The following PID1 variants were observed in gnomAD, a reference collection of about 807,000 sequenced individuals.
PID1 encodes PTB-containing, cubilin and LRP1-interacting protein.
PID1 carries 10 observed loss-of-function variants against 19.1 expected under a neutral mutation model. That is an observed-to-expected ratio of 0.52 (90% CI 0.32 to 0.89). The LOEUF is 0.89. Among genes scored for constraint, PID1 ranks in the 40% least tolerant of loss-of-function variants. The pLI, the probability that PID1 is intolerant of heterozygous loss-of-function variation, is 0.03. For synonymous variants in PID1, 130 were observed against 116.0 expected (o/e 1.12, Z -0.78); for missense variants, 248 against 285.3 (o/e 0.87, Z 0.94).
intron 1 of PID1, among the ~76,000 whole-genome samples, chr2:229,201,657 G>A (rs185535048): frequency 9.2e-5 from 14 of 152,108 alleles, no homozygotes; most frequent in African/African-American, 3.1e-4. Flanking sequence ...TGAAATTGCC[G>A]GATCATATGG....
At chr2:229,053,838 C>A (rs577192093) in intron 2 of PID1, among the ~76,000 whole-genome samples, 1 of 152,140 alleles carries the variant, frequency 6.6e-6, no homozygotes. Context: ...AGGGAGAGCC[C>A]AATCAGTCAA....
chr2:229,189,314 G>A (rs765422906), intron 1 of PID1, among the ~76,000 whole-genome samples: 3 of 152,156 alleles, frequency 2.0e-5, no homozygotes, highest in Non-Finnish European at 4.4e-5. Context: ...ACAGCCCCAG[G>A]TCCATTAGAT....
chr2:229,168,943 T>C (rs1262407482), intron 1 of PID1, among the ~76,000 whole-genome samples: 2 of 152,192 alleles, frequency 1.3e-5, no homozygotes, highest in African/African-American at 2.4e-5. Flanking sequence ...AGGTGGAGTC[T>C]GGTTTGCTTA....
At chr2:229,269,834 G>T (rs1690688389) in intron 1 of PID1, among the ~76,000 whole-genome samples, 1 of 152,146 alleles carries the variant, frequency 6.6e-6, no homozygotes, top group South Asian at 2.1e-4. Context: ...AACTGGTCTG[G>T]TGTCTCAGGC....
rs577423792 is a variant in PID1, at chr2:229,087,372, T to G, written c.178-61264A>C. 1.8e-3 allele frequency among the ~76,000 whole-genome samples: 276 copies of G among 152,224 alleles called. 3 individuals carry two copies. Among genetic ancestry groups the G allele is most frequent in the African/African-American group, 6.3e-3 (261 of 41,566 alleles). On this transcript the variant is annotated intron_variant, in intron 2 of 2. Coordinates refer to ENST00000392055, the MANE Select transcript of PID1 (RefSeq NM_001100818.2). ...TTGTGGGATTCCAGTGACATGTAGT[T>G]CAAAAACAGGCAACACCAATCTATG... is the stretch of plus-strand genomic sequence containing the variant.
chr2:229,268,273 G>A (rs1251419853), intron 1 of PID1, among the ~76,000 whole-genome samples: 1 of 152,110 alleles, frequency 6.6e-6, no homozygotes, highest in Non-Finnish European at 1.5e-5. Flanking sequence ...CAGAAGTGTG[G>A]GTAACAATAA....
At chr2:229,117,914 A>T (rs922889099) in intron 2 of PID1, among the ~76,000 whole-genome samples, 1 of 152,112 alleles carries the variant, frequency 6.6e-6, no homozygotes, top group Non-Finnish European at 1.5e-5. Context: ...GTAGGAGCTC[A>T]TGGTACCCTG....
chr2:229,262,888 T>C (rs1407583481), intron 1 of PID1: 1 of 1,520,174 alleles, frequency 6.6e-7, no homozygotes, highest in African/African-American at 1.4e-5. Context: ...TGTCTGCAAA[T>C]CTCTCCTTAT....
intron 1 of PID1, among the ~76,000 whole-genome samples, chr2:229,228,948 G>A (rs1300597334): frequency 6.6e-6 from 1 of 152,138 alleles, no homozygotes; most frequent in Non-Finnish European, 1.5e-5. Flanking sequence ...ACCTGACCTG[G>A]TGTGAGAAAT....
chr2:229,178,628 C>A lies in PID1; in HGVS notation c.31-22664G>T, dbSNP rs149237030. On this transcript the variant is annotated intron_variant, in intron 1 of 2. Transcript: ENST00000392055. ...AATAAGCCACAATAAAAAAAAAGTCCATTTCTTCTGAATGTTTACTAATTA... is the reference window on the plus strand; with the variant it reads ...AATAAGCCACAATAAAAAAAAAGTCAATTTCTTCTGAATGTTTACTAATTA... Among the ~76,000 whole-genome samples the A allele has an allele frequency of 2.2e-4, 34 of 151,984 alleles. No homozygotes were observed. In the East Asian group the frequency reaches 5.4e-3, roughly 24 times the overall value.
At position 229,210,727 on chromosome 2, in the gene PID1, C is replaced by T. The variant is rs555355024; in HGVS notation, c.31-54763G>A. Among the ~76,000 whole-genome samples the T allele has an allele frequency of 3.3e-5, 5 of 152,056 alleles. No individual in the cohort carries two copies. In the South Asian group the frequency reaches 6.2e-4, roughly 19 times the overall value. On this transcript the variant is annotated intron_variant, in intron 1 of 2. Coordinates refer to ENST00000392055, the MANE Select transcript of PID1 (RefSeq NM_001100818.2). ...GTGAATGTGATGTGCCAATATGGTG[C>T]TAGAAGCCAGCAGTGAACTTTGGCA...
intron 1 of PID1, among the ~76,000 whole-genome samples, chr2:229,233,508 T>C (rs1164508589): frequency 9.6e-6 from 1 of 104,226 alleles, no homozygotes; most frequent in Non-Finnish European, 2.0e-5. Flanking sequence ...TTTTTTTTTT[T>C]TGAAATGGAG....
rs149214177 is a variant in PID1 at position 229,054,703 on chromosome 2, A to AGTGTGTGTGT, written c.178-28605_178-28596dup. 8.3e-3 allele frequency among the ~76,000 whole-genome samples: 368 copies of AGTGTGTGTGT among 44,132 alleles called. 31 individuals carry two copies. The highest frequency in any genetic ancestry group is 0.027 in the Admixed American group (79 of 2,962). 29.0% of individuals were successfully genotyped at this position (44,132 alleles called of 152,430 possible). ...AGCTCTAGGTAAATGACAGTAATGC[A>AGTGTGTGTGT]GTGTGTGTGTGTGTGTGGGGGGGGG... On this transcript the variant is annotated intron_variant, in intron 2 of 2. Coordinates refer to ENST00000392055, the MANE Select transcript of PID1 (RefSeq NM_001100818.2).
In PID1 at chr2:229,206,955, G is replaced by A. The variant is rs146724000; in HGVS notation, c.31-50991C>T. ...GCTTAATAGCTTACATTTCTATCAG[G>A]CTCCCAGGTGATGCAAATTCTGCTC... On this transcript the variant is annotated intron_variant, in intron 1 of 2. Coordinates refer to ENST00000392055, the MANE Select transcript of PID1 (RefSeq NM_001100818.2). 1.2e-4 allele frequency among the ~76,000 whole-genome samples: 19 copies of A among 152,140 alleles called. No individual in the cohort carries two copies. The East Asian group carries it at 3.7e-3, about 29-fold the overall frequency.
At chr2:229,147,856 T>C (rs898836518) in intron 2 of PID1, among the ~76,000 whole-genome samples, 1 of 152,196 alleles carries the variant, frequency 6.6e-6, no homozygotes, top group African/African-American at 2.4e-5. Context: ...TGATTCTCTA[T>C]AGTAAAAGGA....
intron 1 of PID1, among the ~76,000 whole-genome samples, chr2:229,183,287 C>G (rs1358961165): frequency 3.3e-5 from 5 of 152,168 alleles, no homozygotes; most frequent in Non-Finnish European, 7.3e-5. Context: ...CGTTAGGAAC[C>G]AACCCTGCTG....
intron 1 of PID1, among the ~76,000 whole-genome samples, chr2:229,252,907 G>A (rs1690191821): frequency 6.6e-6 from 1 of 152,208 alleles, no homozygotes; most frequent in Admixed American, 6.5e-5. Context: ...GAAGGGGGTA[G>A]GGGGTGCCAA....
intron 1 of PID1, among the ~76,000 whole-genome samples, chr2:229,169,664 C>G (rs6752412): frequency 1.3e-5 from 2 of 152,108 alleles, no homozygotes; most frequent in African/African-American, 2.4e-5. Context: ...CAGATAATTA[C>G]GTTTTCATGA....
intron 2 of PID1, among the ~76,000 whole-genome samples, chr2:229,060,039 AATG>A (rs1694180520): frequency 1.3e-5 from 2 of 152,148 alleles, no homozygotes. Flanking sequence ...TGGGGTGCAC[AATG>A]ATGTTATGAT....
Sources: gnomAD v4.1 joint callset for allele counts (sites outside exome capture counted in the v4.1 genomes callset) on GRCh38, gnomAD v4.1.1 for gene constraint, MANE v1.5 for transcripts, NCBI Gene and HGNC (gene_info 2026-07-23, HGNC 2026-07-21) for gene names.